EXOC6B: variants seen among roughly 807,000 people sequenced by gnomAD.
EXOC6B encodes the protein SEC15 homolog B.
EXOC6B carries 54 observed loss-of-function variants against 113.5 expected under a neutral mutation model. That is an observed-to-expected ratio of 0.48 (90% CI 0.38 to 0.60). The LOEUF is 0.60. Among genes scored for constraint, EXOC6B ranks in the 20% least tolerant of loss-of-function variants. The probability of loss-of-function intolerance (pLI) is 0.00; values close to 1 mark genes in which losing one functional copy is unlikely to be tolerated. For missense variants in EXOC6B, 797 were observed against 977.5 expected, an observed-to-expected ratio of 0.82 and a Z score of 2.46; for synonymous variants, 357 against 339.0, an observed-to-expected ratio of 1.05 and a Z score of -0.58.
At chr2:72,604,678 T>C (rs1412109608) in intron 6 of EXOC6B, among the ~76,000 whole-genome samples, 1 of 152,218 alleles carries the variant, frequency 6.6e-6, no homozygotes, top group Non-Finnish European at 1.5e-5. Context: ...TGTACTTCTA[T>C]TACTGATCAC....
At chr2:72,359,881 C>G (rs1412299086) in intron 19 of EXOC6B, among the ~76,000 whole-genome samples, 4 of 152,006 alleles carry the variant, frequency 2.6e-5, no homozygotes, top group Non-Finnish European at 5.9e-5. Context: ...CATGTGAGAG[C>G]TGGTTGTTTA....
chr2:72,344,762 G>C (rs7591608), intron 19 of EXOC6B, among the ~76,000 whole-genome samples: 30,132 of 151,582 alleles, frequency 0.2, 5,534 homozygotes, highest in African/African-American at 0.49. Flanking sequence ...AGTTGCTTTT[G>C]AATGTCCTAG....
At chr2:72,532,886 T>C (rs978026873) in intron 8 of EXOC6B, among the ~76,000 whole-genome samples, 11 of 151,900 alleles carry the variant, frequency 7.2e-5, no homozygotes, top group Non-Finnish European at 1.3e-4. Flanking sequence ...ACTACAGACA[T>C]AGTAGCTATC....
At chr2:72,551,671 AT>A (rs1205091829) in intron 8 of EXOC6B, among the ~76,000 whole-genome samples, 67 of 142,658 alleles carry the variant, frequency 4.7e-4, no homozygotes, top group African/African-American at 1.5e-3. Context: ...CGCCCGGCTA[AT>A]TTTTTTTTTG....
chr2:72,692,403 G>A (rs1040717063), intron 6 of EXOC6B, among the ~76,000 whole-genome samples: 1 of 149,446 alleles, frequency 6.7e-6, no homozygotes, highest in Non-Finnish European at 1.5e-5. Flanking sequence ...CTAGGCTGGA[G>A]TGCAGTGGCA....
intron 1 of EXOC6B, among the ~76,000 whole-genome samples, chr2:72,772,924 A>C (rs1461785246): frequency 6.6e-6 from 1 of 152,132 alleles, no homozygotes; most frequent in African/African-American, 2.4e-5. Context: ...ATAAAGCTCC[A>C]GTAGCCAGCC....
chr2:72,676,957 G>A (rs368099972), intron 6 of EXOC6B, among the ~76,000 whole-genome samples: 9 of 152,276 alleles, frequency 5.9e-5, no homozygotes, highest in African/African-American at 9.6e-5. Flanking sequence ...GAACAAAAAC[G>A]TTCTGGACTA....
chr2:72,500,915 T>A (rs966144476), intron 11 of EXOC6B, among the ~76,000 whole-genome samples: 2 of 152,202 alleles, frequency 1.3e-5, no homozygotes, highest in African/African-American at 4.8e-5. Context: ...GTTTTATACA[T>A]ATTGATGCTT....
At chr2:72,474,771 G>C (rs1486802283) in intron 17 of EXOC6B, among the ~76,000 whole-genome samples, 3 of 151,722 alleles carry the variant, frequency 2.0e-5, no homozygotes, top group African/African-American at 7.3e-5. Context: ...TTTCTCTTTG[G>C]GACCTGTTGT....
At chr2:72,656,164 A>C (rs1308828338) in intron 6 of EXOC6B, among the ~76,000 whole-genome samples, 2 of 152,124 alleles carry the variant, frequency 1.3e-5, no homozygotes, top group Non-Finnish European at 2.9e-5. Context: ...ATATACTATA[A>C]AGCAATGATG....
intron 11 of EXOC6B, among the ~76,000 whole-genome samples, chr2:72,508,578 C>G (rs749832279): frequency 1.4e-4 from 22 of 152,020 alleles, no homozygotes; most frequent in Non-Finnish European, 2.9e-4. Context: ...TCAAGACCAG[C>G]CTGGCCAACA....
intron 7 of EXOC6B, among the ~76,000 whole-genome samples, 193 bp from the exon 8 acceptor site, chr2:72,559,714 C>T (rs1295855398): frequency 1.3e-5 from 2 of 151,994 alleles, no homozygotes; most frequent in Admixed American, 6.6e-5. Context: ...ATTAATAAAC[C>T]GTGAAGATAT....
chr2:72,438,159 A>C (rs1411756015), intron 18 of EXOC6B, among the ~76,000 whole-genome samples: 2 of 152,192 alleles, frequency 1.3e-5, no homozygotes, highest in African/African-American at 4.8e-5. Context: ...CAGACTAAAC[A>C]ATGCAAAGGA....
chr2:72,473,591 C>A (rs1022754039), intron 17 of EXOC6B, among the ~76,000 whole-genome samples: 2 of 151,966 alleles, frequency 1.3e-5, no homozygotes, highest in African/African-American at 4.8e-5. Flanking sequence ...TTCTTGTAGG[C>A]AGCATATGGC....
intron 5 of EXOC6B, among the ~76,000 whole-genome samples, chr2:72,725,951 G>A (rs189601039): frequency 1.3e-5 from 2 of 152,082 alleles, no homozygotes; most frequent in Non-Finnish European, 2.9e-5. Context: ...AGCATTATTC[G>A]TAATAGTTAA....
chr2:72,348,604 G>A (rs959551006), intron 19 of EXOC6B, among the ~76,000 whole-genome samples: 4 of 152,154 alleles, frequency 2.6e-5, no homozygotes, highest in African/African-American at 7.2e-5. Context: ...AGGATATAAC[G>A]TTTTTAAAAT....
chr2:72,235,056 C>T (rs1174607951), intron 20 of EXOC6B, among the ~76,000 whole-genome samples: 1 of 152,066 alleles, frequency 6.6e-6, no homozygotes, highest in Admixed American at 6.6e-5. Flanking sequence ...AGTATATACC[C>T]AAAGGAATAG....
At chr2:72,464,882 G>T (rs532329542) in intron 18 of EXOC6B, 4 of 388,482 alleles carry the variant, frequency 1.0e-5, no homozygotes, top group Non-Finnish European at 1.8e-5. Context: ...TTCTACCAAG[G>T]CTTTTATATT....
At chr2:72,410,400 T>C (rs941617390) in intron 18 of EXOC6B, among the ~76,000 whole-genome samples, 3 of 152,246 alleles carry the variant, frequency 2.0e-5, no homozygotes, top group African/African-American at 7.2e-5. Flanking sequence ...TAGTTATAAC[T>C]GAAAACTACT....
Sources: allele counts gnomAD v4.1 joint callset (sites outside exome capture counted in the v4.1 genomes callset), GRCh38; gene constraint gnomAD v4.1.1; transcripts MANE v1.5; gene names NCBI Gene and HGNC (gene_info 2026-07-23, HGNC 2026-07-21).